Variants in KLHL1 observed in about 807,000 individuals in gnomAD.
KLHL1 encodes the protein kelch-like protein 1.
A neutral mutation model predicts 77.7 loss-of-function variants in KLHL1; 47 were observed. That is an observed-to-expected ratio of 0.60 (90% CI 0.48 to 0.77). The LOEUF (loss-of-function observed/expected upper bound fraction) is 0.77, where lower values mean the gene tolerates loss of function less well. Among genes scored for constraint, KLHL1 ranks in the 30% least tolerant of loss-of-function variants. The pLI is 0.00. For missense variants in KLHL1, 925 were observed against 910.8 expected (o/e 1.02, Z -0.20); for synonymous variants, 360 against 325.2 (o/e 1.11, Z -1.15).
At chr13:69,819,277 T>A (rs2138075270) in intron 6 of KLHL1, among the ~76,000 whole-genome samples, 1 of 152,290 alleles carries the variant, frequency 6.6e-6, no homozygotes, top group South Asian at 2.1e-4. Context: ...TATCAGGGGT[T>A]TAATCCTTAA....
chr13:69,959,317 T>C (rs1027233261), intron 3 of KLHL1, among the ~76,000 whole-genome samples: 3 of 152,022 alleles, frequency 2.0e-5, no homozygotes, highest in Non-Finnish European at 4.4e-5. Context: ...CTCTGTCTTT[T>C]AGTTGCTGGA....
intron 4 of KLHL1, among the ~76,000 whole-genome samples, chr13:69,929,923 T>A (rs1272024191): frequency 1.3e-5 from 2 of 151,924 alleles, no homozygotes; most frequent in Non-Finnish European, 2.9e-5. Flanking sequence ...TGTTGTCTGA[T>A]ATTGAAGGCT....
intron 3 of KLHL1, among the ~76,000 whole-genome samples, chr13:69,946,950 G>A (rs1052112406): frequency 1.3e-5 from 2 of 148,458 alleles, no homozygotes; most frequent in African/African-American, 5.2e-5. Flanking sequence ...AATTACTTTT[G>A]TACCAACTTA....
intron 4 of KLHL1, among the ~76,000 whole-genome samples, chr13:69,902,755 T>C (rs1881912681): frequency 1.2e-5 from 1 of 81,148 alleles, no homozygotes; most frequent in Non-Finnish European, 2.3e-5. Context: ...GGGTCTGTTG[T>C]AGGGTTGGGG....
At chr13:69,831,747 A>T (rs1272998812) in intron 6 of KLHL1, among the ~76,000 whole-genome samples, 1 of 150,296 alleles carries the variant, frequency 6.7e-6, no homozygotes, top group Non-Finnish European at 1.5e-5. Context: ...AAGATAGTCC[A>T]CGATGATCAA....
At chr13:69,940,276 A>C (rs1248741772) in intron 3 of KLHL1, 40 bp from the exon 4 acceptor site, 1 of 1,475,924 alleles carries the variant, frequency 6.8e-7, no homozygotes, top group Non-Finnish European at 9.2e-7. Flanking sequence ...TCTTTTAAAA[A>C]CATGAAATAA....
Position 69,918,685 on chromosome 13 carries a change from T to C in KLHL1, c.1014+21355A>G, listed in dbSNP as rs536746366. 5.3e-5 allele frequency among the ~76,000 whole-genome samples: 8 copies of C among 152,190 alleles called. No homozygotes were observed. In the East Asian group the frequency reaches 1.5e-3, roughly 29 times the overall value. On this transcript the variant is annotated intron_variant, in intron 4 of 10. Coordinates refer to ENST00000377844, the MANE Select transcript of KLHL1 (RefSeq NM_020866.3). Reference sequence around the variant, plus strand: ...CAAGACAATATAACAAAAGGTCAGGTTGAACTTAGTTTCCAATTTTCAACT... The same window carrying C: ...CAAGACAATATAACAAAAGGTCAGGCTGAACTTAGTTTCCAATTTTCAACT...
At chr13:69,922,403 C>G (rs1882672164) in intron 4 of KLHL1, among the ~76,000 whole-genome samples, 1 of 151,890 alleles carries the variant, frequency 6.6e-6, no homozygotes, top group Non-Finnish European at 1.5e-5. Context: ...AGTAAAATAG[C>G]AGGTATTAAC....
At chr13:69,779,370 C>A (rs1187523686) in intron 7 of KLHL1, among the ~76,000 whole-genome samples, 2 of 148,976 alleles carry the variant, frequency 1.3e-5, no homozygotes, top group African/African-American at 4.9e-5. Context: ...TTTCCTTCCT[C>A]CCCTCCCCTC....
intron 1 of KLHL1, among the ~76,000 whole-genome samples, chr13:70,084,461 C>CTTTTTTTTTTTTTTTTTTTTTTT (rs1324246935): frequency 1.7e-5 from 2 of 115,104 alleles, no homozygotes; most frequent in Non-Finnish European, 3.4e-5. Context: ...ATTTCTTCTT[C>CTTTTTTTTTTTTTTTTTTTTTTT]TTCTTTTTTT....
chr13:70,028,308 C>T (rs1483183506), intron 1 of KLHL1, among the ~76,000 whole-genome samples: 4 of 152,088 alleles, frequency 2.6e-5, no homozygotes, highest in Admixed American at 2.0e-4. Context: ...CTTTGCGGCC[C>T]ATGGACAGCC....
At chr13:69,847,404 C>CAAAAAAAAAAAAAAAAAA (rs11357077) in intron 5 of KLHL1, among the ~76,000 whole-genome samples, 1 of 145,934 alleles carries the variant, frequency 6.9e-6, no homozygotes, top group African/African-American at 2.6e-5. Flanking sequence ...ACTGCATTAG[C>CAAAAAAAAAAAAAAAAAA]AAAAAAAAAA....
At chr13:70,096,108 G>A (rs972512948) in intron 1 of KLHL1, among the ~76,000 whole-genome samples, 2 of 151,992 alleles carry the variant, frequency 1.3e-5, no homozygotes, top group Admixed American at 6.6e-5. Flanking sequence ...CAACACTTAG[G>A]GTGATTCCAT....
chr13:70,032,843 G>A (rs1239731053), intron 1 of KLHL1, among the ~76,000 whole-genome samples: 3 of 152,038 alleles, frequency 2.0e-5, no homozygotes, highest in Non-Finnish European at 4.4e-5. Context: ...ATCTTTTTAA[G>A]GTTACTATGT....
chr13:69,796,500 C>T (rs942586676), intron 7 of KLHL1, among the ~76,000 whole-genome samples: 3 of 152,184 alleles, frequency 2.0e-5, no homozygotes, highest in Non-Finnish European at 4.4e-5. Flanking sequence ...TCTCTGAATG[C>T]ATGGCCTCCC....
At chr13:70,035,595 A>C (rs377702192) in intron 1 of KLHL1, among the ~76,000 whole-genome samples, 9 of 152,124 alleles carry the variant, frequency 5.9e-5, no homozygotes, top group African/African-American at 2.2e-4. Context: ...CTTTTTATGA[A>C]AGTTTGGAAA....
intron 1 of KLHL1, among the ~76,000 whole-genome samples, chr13:70,097,426 T>A (rs1317551624): frequency 6.6e-6 from 1 of 151,918 alleles, no homozygotes; most frequent in East Asian, 1.9e-4. Flanking sequence ...TAATAAACAG[T>A]AAAGAAAAGA....
intron 7 of KLHL1, among the ~76,000 whole-genome samples, chr13:69,768,468 C>A (rs531420252): frequency 6.6e-6 from 1 of 152,020 alleles, no homozygotes; most frequent in South Asian, 2.1e-4. Flanking sequence ...ATCAGGGAAA[C>A]TTAAGCCTAG....
chr13:70,059,356 G>A (rs1886822207), intron 1 of KLHL1, among the ~76,000 whole-genome samples: 1 of 151,980 alleles, frequency 6.6e-6, no homozygotes, highest in African/African-American at 2.4e-5. Context: ...TTTTAGTAGA[G>A]ATGGGTTTTG....
Sources: gnomAD v4.1 joint callset for allele counts (sites outside exome capture counted in the v4.1 genomes callset) on GRCh38, gnomAD v4.1.1 for gene constraint, MANE v1.5 for transcripts, NCBI Gene and HGNC (gene_info 2026-07-23, HGNC 2026-07-21) for gene names.